The following SMARCC1 variants were observed in gnomAD, a reference collection of about 807,000 sequenced individuals.
The protein encoded by SMARCC1 is SWI/SNF complex subunit SMARCC1.
SMARCC1 carries 43 observed loss-of-function variants against 147.4 expected under a neutral mutation model. The observed-to-expected ratio is 0.29, with a 90% confidence interval of 0.23 to 0.38. SMARCC1 has a LOEUF of 0.38. SMARCC1 is among the 10% of genes least tolerant of loss of function. SMARCC1 has a pLI of 1.00. For synonymous variants in SMARCC1, 495 were observed against 484.4 expected, an observed-to-expected ratio of 1.02 and a Z score of -0.29; for missense variants, 1,119 against 1,381.1, an observed-to-expected ratio of 0.81 and a Z score of 3.01.
intron 2 of SMARCC1, among the ~76,000 whole-genome samples, chr3:47,748,116 C>A (rs1464794372): frequency 6.6e-6 from 1 of 151,962 alleles, no homozygotes; most frequent in Non-Finnish European, 1.5e-5. Flanking sequence ...CACCACTGCA[C>A]TCCAGCCTGG....
intron 17 of SMARCC1, 64 bp from the exon 18 acceptor site, chr3:47,675,652 T>A: frequency 1.1e-6 from 1 of 934,518 alleles, no homozygotes; most frequent in Admixed American, 1.9e-5. Flanking sequence ...TAAATGTTTT[T>A]AAAAATTTGT....
intron 3 of SMARCC1, 144 bp from the exon 4 acceptor site, chr3:47,738,254 A>G: frequency 1.8e-6 from 1 of 564,902 alleles, no homozygotes; most frequent in Middle Eastern, 3.7e-4. Context: ...TCTCTCAGTA[A>G]CATAAGAATA....
chr3:47,587,850 G>C lies in SMARCC1; in HGVS notation c.*359C>G, dbSNP rs540977704. 1 of 237,392 alleles carries C rather than the reference G, an allele frequency of 4.2e-6. No individual in the cohort carries two copies. The highest frequency in any genetic ancestry group is 1.2e-4 in the East Asian group (1 of 8,106). The allele number at this position is 237,392 out of a possible 1,614,324, so 14.7% of individuals were successfully genotyped here. A position where few individuals can be genotyped will look rare whatever the true frequency, so the allele number is the denominator to read the frequency against. Reference sequence around the variant, plus strand: ...TATAGCATTATCCATAGAAGCATAAGACAAAGCAAAAAACTGCAAGAGAGC... The same window carrying C: ...TATAGCATTATCCATAGAAGCATAACACAAAGCAAAAAACTGCAAGAGAGC... On this transcript the variant is annotated 3_prime_UTR_variant, in exon 28 of 28. Coordinates refer to ENST00000254480, the MANE Select transcript of SMARCC1 (RefSeq NM_003074.4).
chr3:47,715,501 AATCT>A (rs764316633), intron 7 of SMARCC1, among the ~76,000 whole-genome samples: 4 of 152,172 alleles, frequency 2.6e-5, no homozygotes, highest in Non-Finnish European at 5.9e-5. Context: ...GTATGTCTAG[AATCT>A]ATCTAATTCT....
chr3:47,595,475 C>T (rs1279660614), intron 26 of SMARCC1, among the ~76,000 whole-genome samples: 3 of 151,228 alleles, frequency 2.0e-5, no homozygotes, highest in African/African-American at 7.3e-5. Flanking sequence ...TGCAGTGAGC[C>T]GAGAATGAGC....
chr3:47,732,626 G>A (rs2106824961), intron 5 of SMARCC1, among the ~76,000 whole-genome samples: 1 of 152,266 alleles, frequency 6.6e-6, no homozygotes, highest in South Asian at 2.1e-4. Context: ...TTTAATACTT[G>A]TGGGTCTCAG....
intron 3 of SMARCC1, among the ~76,000 whole-genome samples, chr3:47,741,766 G>T (rs891944758): frequency 6.6e-6 from 1 of 151,706 alleles, no homozygotes; most frequent in Non-Finnish European, 1.5e-5. Flanking sequence ...TTAAAAAATA[G>T]AGATGGGGTC....
chr3:47,661,881 T>C (rs2033351869), intron 20 of SMARCC1, among the ~76,000 whole-genome samples: 1 of 152,216 alleles, frequency 6.6e-6, no homozygotes, highest in Non-Finnish European at 1.5e-5. Context: ...ATGACTTCCT[T>C]TGCTAGTTAC....
intron 2 of SMARCC1, among the ~76,000 whole-genome samples, chr3:47,755,894 G>T (rs2106854636): frequency 6.6e-6 from 1 of 150,546 alleles, no homozygotes; most frequent in East Asian, 2.0e-4. Context: ...GAAGGCTGAG[G>T]CAAGGGAATC....
At chr3:47,635,106 A>G (rs2106701997) in intron 24 of SMARCC1, 84 bp downstream of exon 24, 1 of 1,218,854 alleles carries the variant, frequency 8.2e-7, no homozygotes, top group South Asian at 1.4e-5. Context: ...AAAGCTCTTT[A>G]TACTAAATGT....
At chr3:47,661,528 A>C in intron 20 of SMARCC1, 73 bp from the exon 21 acceptor site, 1 of 1,213,196 alleles carries the variant, frequency 8.2e-7, no homozygotes, top group Non-Finnish European at 1.2e-6. Context: ...AACCACCACC[A>C]GGAAACCCAA....
At chr3:47,766,413 A>C (rs549727012) in intron 2 of SMARCC1, among the ~76,000 whole-genome samples, 42 of 152,130 alleles carry the variant, frequency 2.8e-4, no homozygotes, top group Non-Finnish European at 3.7e-4. Flanking sequence ...AAAAAAAAAA[A>C]ACAAAAATTA....
At chr3:47,702,132 A>G (rs1488167570) in intron 10 of SMARCC1, among the ~76,000 whole-genome samples, 4 of 151,722 alleles carry the variant, frequency 2.6e-5, no homozygotes, top group African/African-American at 4.8e-5. Flanking sequence ...ATCCCTAAAT[A>G]TAGTACTAAT....
At chr3:47,620,830 G>A (rs1393276203) in intron 25 of SMARCC1, among the ~76,000 whole-genome samples, 2 of 152,130 alleles carry the variant, frequency 1.3e-5, no homozygotes, top group Non-Finnish European at 2.9e-5. Context: ...CTCCTTTCTA[G>A]TATTTATTTT....
intron 2 of SMARCC1, among the ~76,000 whole-genome samples, chr3:47,766,329 G>A (rs944059542): frequency 1.3e-5 from 2 of 151,752 alleles, no homozygotes; most frequent in African/African-American, 2.4e-5. Flanking sequence ...ACTTTGGGGG[G>A]CCAAGGCGGA....
At chr3:47,765,070 G>A (rs1270206475) in intron 2 of SMARCC1, among the ~76,000 whole-genome samples, 1 of 152,124 alleles carries the variant, frequency 6.6e-6, no homozygotes, top group Non-Finnish European at 1.5e-5. Flanking sequence ...TGAACAACAT[G>A]GAGAAACCCT....
At chr3:47,746,887 C>T (rs576307672) in intron 2 of SMARCC1, among the ~76,000 whole-genome samples, 3 of 151,998 alleles carry the variant, frequency 2.0e-5, no homozygotes, top group Admixed American at 6.6e-5. Context: ...TGCATGACCA[C>T]GCCCGGCTAA....
At position 47,588,278 on chromosome 3, in the gene SMARCC1, CGGTGGCTGCTGCTGTGGTGGAGGG is replaced by C. The variant is rs759607857; in HGVS notation, c.3225_3248del (p.Gln1079_Pro1086del). 6.2e-7 allele frequency: 1 copy of C among 1,613,578 alleles called. No individual in the cohort carries two copies. Among genetic ancestry groups the C allele is most frequent in the Non-Finnish European group, 8.5e-7 (1 of 1,179,826 alleles). On this transcript the variant is annotated inframe_deletion, in exon 28 of 28. Transcript: ENST00000254480. ...GGACCCCATCTGCAGGTGGTGGTGG[CGGTGGCTGCTGCTGTGGTGGAGGG>C]GGATCTGCAAACATATCCAAGAGTA...
chr3:47,604,902 T>G (rs2032446696), intron 26 of SMARCC1, among the ~76,000 whole-genome samples: 2 of 152,220 alleles, frequency 1.3e-5, no homozygotes, highest in Admixed American at 6.5e-5. Context: ...TTTTGCCATG[T>G]TGGCCAGGCA....
Sources: gnomAD v4.1 joint callset for allele counts (sites outside exome capture counted in the v4.1 genomes callset) on GRCh38, gnomAD v4.1.1 for gene constraint, MANE v1.5 for transcripts, NCBI Gene and HGNC (gene_info 2026-07-23, HGNC 2026-07-21) for gene names.